CCDC18: variants seen among roughly 807,000 people sequenced by gnomAD.
The protein encoded by CCDC18 is coiled-coil domain containing 18.
CCDC18 carries 157 observed loss-of-function variants against 196.0 expected under a neutral mutation model. The observed-to-expected ratio is 0.80, with a 90% CI of 0.70 to 0.91. The LOEUF (loss-of-function observed/expected upper bound fraction) is 0.91. CCDC18 is among the 40% of genes least tolerant of loss of function. The pLI is 0.00. For missense variants in CCDC18, 1,465 were observed against 1,611.6 expected, an observed-to-expected ratio of 0.91 and a Z score of 1.56; for synonymous variants, 482 against 529.2, an observed-to-expected ratio of 0.91 and a Z score of 1.22.
chr1:93,277,904 C>T (rs958451806), intron 28 of CCDC18, among the ~76,000 whole-genome samples: 3 of 151,826 alleles, frequency 2.0e-5, no homozygotes, highest in Non-Finnish European at 2.9e-5. Context: ...TTCCTTTTTT[C>T]GAGTTTTAAA....
At chr1:93,241,580 G>A (rs1490385319) in intron 21 of CCDC18, among the ~76,000 whole-genome samples, 1 of 151,942 alleles carries the variant, frequency 6.6e-6, no homozygotes, top group Non-Finnish European at 1.5e-5. Context: ...AAATCAGCCA[G>A]GTGTGGTGGC....
chr1:93,256,643 A>T, intron 25 of CCDC18, 105 bp downstream of exon 25: 3 of 887,498 alleles, frequency 3.4e-6, no homozygotes, highest in Non-Finnish European at 5.3e-6. Context: ...TGTATTGCAC[A>T]ACAGTGTGAA....
At chr1:93,248,566 G>A (rs1413120211) in intron 23 of CCDC18, among the ~76,000 whole-genome samples, 1 of 152,172 alleles carries the variant, frequency 6.6e-6, no homozygotes, top group Non-Finnish European at 1.5e-5. Context: ...TCAGTTGATA[G>A]TATTTTGTTG....
intron 11 of CCDC18, among the ~76,000 whole-genome samples, chr1:93,213,514 C>G (rs541826711): frequency 1.1e-4 from 17 of 151,748 alleles, no homozygotes; most frequent in African/African-American, 3.6e-4. Context: ...ATAGAAACTT[C>G]CCTTTAAGCG....
At chr1:93,196,869 A>G (rs1652817552) in intron 6 of CCDC18, among the ~76,000 whole-genome samples, 1 of 152,238 alleles carries the variant, frequency 6.6e-6, no homozygotes, top group African/African-American at 2.4e-5. Flanking sequence ...AAGTTAGAAT[A>G]TAACTCCTTG....
chr1:93,271,162 G>A (rs1665226594), intron 28 of CCDC18: 1 of 985,192 alleles, frequency 1.0e-6, no homozygotes, highest in Admixed American at 6.2e-5. Flanking sequence ...TAGGTTCTGA[G>A]GTGAATGTTC....
At position 93,205,608 on chromosome 1, in the gene CCDC18, T is replaced by C. The variant is rs1019872510; in HGVS notation, c.894T>C (p.Leu298=). 1.9e-6 allele frequency: 3 copies of C among 1,592,322 alleles called. No individual in the cohort carries two copies. The African/African-American group carries it at 4.1e-5, about 22-fold the overall frequency. Residue 298 remains leucine, a synonymous_variant, in exon 8 of 29, where the codon CTT becomes CTC. Coordinates refer to ENST00000690025, the MANE Select transcript of CCDC18 (RefSeq NM_001378204.1). ...QERCGLYKSE[L]EILKEKLRQL... Reference sequence around the variant, plus strand: ...GGTGTGGTCTATATAAAAGTGAACTTGAAATTCTGAAAGAGAAATTAAGGT... The same window carrying C: ...GGTGTGGTCTATATAAAAGTGAACTCGAAATTCTGAAAGAGAAATTAAGGT...
Position 93,196,845 on chromosome 1 carries a change from A to G in CCDC18, c.698+3101A>G, listed in dbSNP as rs11799875. ...GATGTCGTATGTATTATCTTCTGCA[A>G]CCACAGTTCAGTTAAGTTAGAATAT... On this transcript the variant is annotated intron_variant, in intron 6 of 28. Coordinates refer to ENST00000690025, the MANE Select transcript of CCDC18 (RefSeq NM_001378204.1). Among the ~76,000 whole-genome samples, 1,253 of 152,338 alleles carry G rather than the reference A, an allele frequency of 8.2e-3. 21 individuals are homozygous for G. Among genetic ancestry groups the G allele is most frequent in the African/African-American group, 0.029 (1,197 of 41,582 alleles).
intron 23 of CCDC18, among the ~76,000 whole-genome samples, chr1:93,249,211 G>A (rs910100739): frequency 2.0e-5 from 3 of 152,008 alleles, no homozygotes; most frequent in African/African-American, 7.2e-5. Flanking sequence ...GTGGGTCCAG[G>A]AATTTATCCA....
At chr1:93,215,109 T>C in intron 12 of CCDC18, 143 bp downstream of exon 12, 1 of 515,660 alleles carries the variant, frequency 1.9e-6, no homozygotes, top group Middle Eastern at 5.3e-4. Flanking sequence ...TAAATTGTTT[T>C]AAAATTATAT....
At chr1:93,244,807 G>T (rs905097380) in intron 21 of CCDC18, among the ~76,000 whole-genome samples, 1 of 152,054 alleles carries the variant, frequency 6.6e-6, no homozygotes, top group Non-Finnish European at 1.5e-5. Flanking sequence ...CCTTGTTCCT[G>T]ACATTTTTCT....
chr1:93,205,216 A>AATT (rs1654530041), intron 7 of CCDC18, among the ~76,000 whole-genome samples: 1 of 152,132 alleles, frequency 6.6e-6, no homozygotes, highest in Non-Finnish European at 1.5e-5. Context: ...TTTGCACTGA[A>AATT]ATTAACCTTT....
intron 24 of CCDC18, among the ~76,000 whole-genome samples, chr1:93,255,201 T>C (rs966383593): frequency 6.6e-6 from 1 of 152,208 alleles, no homozygotes; most frequent in East Asian, 1.9e-4. Flanking sequence ...TCCACCTGCC[T>C]TGGCCTCCCA....
At chr1:93,219,013 A>T (rs1391794995) in intron 14 of CCDC18, among the ~76,000 whole-genome samples, 1 of 152,172 alleles carries the variant, frequency 6.6e-6, no homozygotes, top group Non-Finnish European at 1.5e-5. Flanking sequence ...CTATTATTGA[A>T]TCTGTGTAAT....
Position 93,217,743 on chromosome 1 carries a change from G to C in CCDC18, c.1836G>C (p.Lys612Asn). The change falls in exon 14 of 29, where the codon AAG becomes AAC. Residue 612 changes from lysine to asparagine, a missense_variant. Physicochemically the swap from Lys to Asn is moderately conservative, Grantham distance 94 (BLOSUM62 0). Coordinates refer to ENST00000690025, the MANE Select transcript of CCDC18 (RefSeq NM_001378204.1). ...NAELEQELME[K>N]NEKIRSLETN... ...AAAGTGTTTTGTGTTTCTAGGAAAA[G>C]AATGAAAAGATAAGGAGTCTAGAAA... 2 of 1,598,214 alleles carry C rather than the reference G, an allele frequency of 1.3e-6. No individual in the cohort carries two copies. Among genetic ancestry groups the C allele is most frequent in the South Asian group, 2.3e-5 (2 of 88,832 alleles).
At chr1:93,255,588 T>G (rs958161131) in intron 24 of CCDC18, among the ~76,000 whole-genome samples, 2 of 152,044 alleles carry the variant, frequency 1.3e-5, no homozygotes, top group Non-Finnish European at 2.9e-5. Flanking sequence ...ATTAAAAAAC[T>G]AGCTAGGTGT....
At chr1:93,212,653 A>G (rs1018923761) in intron 11 of CCDC18, among the ~76,000 whole-genome samples, 25 of 152,232 alleles carry the variant, frequency 1.6e-4, no homozygotes, top group Admixed American at 1.2e-3. Flanking sequence ...TAAGACAGCA[A>G]AAGTTATTTC....
At position 93,192,110 on chromosome 1, in the gene CCDC18, A is replaced by C; in HGVS notation, c.569+4A>C. The stretch of plus-strand genomic sequence containing the variant: ...CAGCTCAAGATAAAGTTTTGAGGTA[A>C]ATATACTTTTTATAGCTCTCAAAGT... On this transcript the variant is annotated splice_donor_region_variant and intron_variant, in intron 5 of 28. Transcript: ENST00000690025. The C allele has an allele frequency of 1.3e-6, 2 of 1,566,950 alleles. No homozygotes were observed. Among genetic ancestry groups the C allele is most frequent in the South Asian group, 2.2e-5 (2 of 89,682 alleles).
intron 27 of CCDC18, among the ~76,000 whole-genome samples, chr1:93,266,987 A>C (rs941212077): frequency 6.6e-6 from 1 of 152,222 alleles, no homozygotes; most frequent in Non-Finnish European, 1.5e-5. Context: ...CAGAGACGCA[A>C]CAAAAAAAGA....
Sources: allele counts gnomAD v4.1 joint callset (sites outside exome capture counted in the v4.1 genomes callset), GRCh38; gene constraint gnomAD v4.1.1; transcripts MANE v1.5; gene names NCBI Gene and HGNC (gene_info 2026-07-23, HGNC 2026-07-21).